The following ARHGEF40 variants were observed in gnomAD, a reference collection of about 807,000 sequenced individuals.
ARHGEF40 encodes Rho guanine nucleotide exchange factor 40.
Under a neutral mutation model 165.9 loss-of-function variants are expected in ARHGEF40, and 98 were observed. The observed-to-expected ratio is 0.59, with a 90% confidence interval of 0.50 to 0.70. ARHGEF40 has a LOEUF of 0.70. Among genes scored for constraint, ARHGEF40 ranks in the 30% least tolerant of loss-of-function variants. The pLI, the probability that ARHGEF40 is intolerant of heterozygous loss-of-function variation, is 0.00. For synonymous variants in ARHGEF40, 792 were observed against 814.3 expected, an observed-to-expected ratio of 0.97 and a Z score of 0.47; for missense variants, 1,815 against 1,968.0, an observed-to-expected ratio of 0.92 and a Z score of 1.47.
rs1192943241 is a variant in ARHGEF40 at position 21,081,487 on chromosome 14, C to G, written c.2641-22C>G. 1.9e-6 allele frequency: 3 copies of G among 1,611,564 alleles called. No homozygotes were observed. The African/African-American group carries it at 4.0e-5, about 22-fold the overall frequency. ...AGGCCCTTACCCTTTCTCTCCCATC[C>G]CCAACCCCTTTGACTTCGTAGGCAC... On this transcript the variant is annotated intron_variant, in intron 13 of 23. Coordinates refer to ENST00000298694, the MANE Select transcript of ARHGEF40 (RefSeq NM_018071.5).
chr14:21,085,042 C>T (rs1428897148), intron 18 of ARHGEF40, 119 bp downstream of exon 18: 4 of 1,306,250 alleles, frequency 3.1e-6, no homozygotes, highest in Non-Finnish European at 4.2e-6. Context: ...CTAGAATAGG[C>T]TTTGGCTTGT....
the ARHGEF40 span, among the ~76,000 whole-genome samples, chr14:21,065,040 G>A: frequency 4.6e-5 from 7 of 152,070 alleles, no homozygotes; most frequent in East Asian, 5.8e-4. Context: ...GCCTGGTGGC[G>A]GGTGCCTGTA....
rs1231276823 is a variant in ARHGEF40 at position 21,080,679 on chromosome 14, G to T, written c.2393G>T (p.Gly798Val). The change falls in exon 12 of 24, where the codon GGC (glycine) becomes GTC (valine). Residue 798 changes from glycine to valine, a missense_variant. Physicochemically the swap from Gly to Val is moderately radical, Grantham distance 109. Transcript: ENST00000298694. ...CCTCAGGTGTTGCAGTGGCTCTCGG[G>T]CCCAGGGGAGGAGCAGCTGGCAAGC... Reference protein sequence around the residue: ...RLQQVLQWLSGPGEEQLASFA... With the variant: ...RLQQVLQWLSVPGEEQLASFA... The T allele has an allele frequency of 1.2e-6, 2 of 1,611,120 alleles. No homozygotes were observed. The highest frequency in any genetic ancestry group is 1.3e-5 in the African/African-American group (1 of 74,986).
Position 21,081,662 on chromosome 14 carries a change from C to T in ARHGEF40, c.2794C>T (p.Pro932Ser). 3 of 1,603,302 alleles carry T rather than the reference C, an allele frequency of 1.9e-6. No individual in the cohort carries two copies. Among genetic ancestry groups the T allele is most frequent in the East Asian group, 2.2e-5 (1 of 44,546 alleles). Residue 932 changes from proline (P) to serine (S), a missense_variant, in exon 14 of 24, where the codon CCA becomes TCA. Physicochemically the swap from Pro to Ser is moderately conservative, Grantham distance 74. Transcript: ENST00000298694. Reference protein sequence around the residue: ...MRALALDLGSPAALREWGRCQ... With the variant: ...MRALALDLGSSAALREWGRCQ... ...GGCCCTGGCCCTGGACCTGGGCAGC[C>T]CAGCAGCCCTGCGAGAATGGGGCCG...
intron 1 of ARHGEF40, among the ~76,000 whole-genome samples, chr14:21,071,525 C>G (rs4982404): frequency 6.6e-6 from 1 of 151,892 alleles, no homozygotes; most frequent in Non-Finnish European, 1.5e-5. Flanking sequence ...AGAGCTGACT[C>G]AGTCTCTCTG....
rs1040968014 is a variant in ARHGEF40 at position 21,087,343 on chromosome 14, G to A, written c.4267G>A (p.Ala1423Thr). The A allele has an allele frequency of 1.2e-6, 2 of 1,606,532 alleles. No homozygotes were observed. The highest frequency in any genetic ancestry group is 1.1e-5 in the South Asian group (1 of 91,050). The stretch of plus-strand genomic sequence containing the variant: ...AGCCGCCCGCACCCGGGCCTCCGTG[G>A]CCGTGTCATCCTTTGAGCATGCCGG... ...GRAARTRASV[A>T]VSSFEHAGPS... Residue 1423 changes from alanine (A) to threonine (T), a missense_variant, in exon 21 of 24, where the codon GCC becomes ACC. By Grantham distance (58) the Ala-to-Thr change is moderately conservative. Coordinates refer to ENST00000298694, the MANE Select transcript of ARHGEF40 (RefSeq NM_018071.5).
rs1888659523 is a variant in ARHGEF40 at position 21,089,589 on chromosome 14, T to A, written c.*581T>A. The A allele has an allele frequency of 6.6e-6, 1 of 152,632 alleles. No individual in the cohort carries two copies. Among genetic ancestry groups the A allele is most frequent in the Admixed American group, 6.5e-5 (1 of 15,294 alleles). 9.5% of individuals were successfully genotyped at this position (152,632 alleles called of 1,614,324 possible). A position where few individuals can be genotyped will look rare whatever the true frequency, so the allele number is the denominator to read the frequency against. On this transcript the variant is annotated 3_prime_UTR_variant, in exon 24 of 24. Transcript: ENST00000298694. ...AGAGTAGTCCTCTGGATTAAGGTGA[T>A]AAATAACTTGAGCACTTTCCCTCAA...
Position 21,084,928 on chromosome 14 carries a change from G to C in ARHGEF40, c.3960+5G>C. The C allele has an allele frequency of 6.2e-7, 1 of 1,611,324 alleles. No individual in the cohort carries two copies. Reference sequence around the variant, plus strand: ...GTTTACAAGCAGGCCTTTAAGGTACGATTCCTGGAGTGAGTGGTGGAGGTG... The same window carrying C: ...GTTTACAAGCAGGCCTTTAAGGTACCATTCCTGGAGTGAGTGGTGGAGGTG... On this transcript the variant is annotated splice_donor_5th_base_variant and intron_variant, in intron 18 of 23. Transcript: ENST00000298694.
chr14:21,076,914 G>C (rs760799829), intron 8 of ARHGEF40, 24 bp downstream of exon 8: 1 of 1,584,974 alleles, frequency 6.3e-7, no homozygotes, highest in South Asian at 1.1e-5. Context: ...CTACCACCTA[G>C]CATGCTGGGA....
intron 21 of ARHGEF40, 151 bp downstream of exon 21, chr14:21,087,614 A>T: frequency 8.8e-7 from 1 of 1,136,576 alleles, no homozygotes; most frequent in South Asian, 1.6e-5. Flanking sequence ...AGAGCCTTCC[A>T]TCTGGTTGCT....
At position 21,078,287 on chromosome 14, in the gene ARHGEF40, G is replaced by A; in HGVS notation, c.2130+15G>A. 1 of 1,612,070 alleles carries A rather than the reference G, an allele frequency of 6.2e-7. No individual in the cohort carries two copies. Among genetic ancestry groups the A allele is most frequent in the Non-Finnish European group, 8.5e-7 (1 of 1,179,050 alleles). On this transcript the variant is annotated intron_variant, in intron 9 of 23. Transcript: ENST00000298694. Reference sequence around the variant, plus strand: ...CAGAGGAAGAGGTATGAAATGAGATGGGACAGTGGGGGGATGGGATTGGGA... The same window carrying A: ...CAGAGGAAGAGGTATGAAATGAGATAGGACAGTGGGGGGATGGGATTGGGA...
chr14:21,075,561 T>C lies in ARHGEF40; in HGVS notation c.1618+62T>C, dbSNP rs1456372622. ...GGGAAAGAGAAGCAATTGGGTGGGC[T>C]TGGGGACTGGGGGAGGCAGGGTGGA... On this transcript the variant is annotated intron_variant, in intron 4 of 23. Coordinates refer to ENST00000298694, the MANE Select transcript of ARHGEF40 (RefSeq NM_018071.5). The surrounding 1 kb of genome is among the most constrained non-coding windows in gnomAD (Gnocchi z 4.5). 3 of 1,613,826 alleles carry C rather than the reference T, an allele frequency of 1.9e-6. No homozygotes were observed. The highest frequency in any genetic ancestry group is 1.3e-5 in the African/African-American group (1 of 74,890).
chr14:21,084,130 A>G, intron 17 of ARHGEF40, 80 bp downstream of exon 17: 1 of 1,429,642 alleles, frequency 7.0e-7, no homozygotes, highest in Non-Finnish European at 9.4e-7. Flanking sequence ...TGACAGGAGA[A>G]CCAGGCTCCA....
At chr14:21,084,491 T>C (rs1218867733) in intron 17 of ARHGEF40, among the ~76,000 whole-genome samples, 1 of 152,202 alleles carries the variant, frequency 6.6e-6, no homozygotes, top group African/African-American at 2.4e-5. Flanking sequence ...ATCCCCAGCA[T>C]GCAAAGGCTT....
chr14:21,087,149 C>G, intron 20 of ARHGEF40, 44 bp downstream of exon 20: 1 of 1,601,418 alleles, frequency 6.2e-7, no homozygotes, highest in Non-Finnish European at 8.5e-7. Context: ...GAGTGAAGAC[C>G]TTGACAATGA....
intron 6 of ARHGEF40, 25 bp downstream of exon 6, chr14:21,076,481 TC>T (rs1887431647): frequency 6.2e-7 from 1 of 1,613,894 alleles, no homozygotes; most frequent in Non-Finnish European, 8.5e-7. Context: ...AACAGGCAGT[TC>T]CCCTGGATCC....
At chr14:21,069,644 G>A (rs1276054459), upstream of ARHGEF40, among the ~76,000 whole-genome samples, 1 of 152,224 alleles carries the variant, frequency 6.6e-6, no homozygotes, top group Non-Finnish European at 1.5e-5. Flanking sequence ...GCCTTCCCCA[G>A]GCAACACAGA....
the ARHGEF40 span, among the ~76,000 whole-genome samples, chr14:21,063,315 G>A: frequency 2.0e-5 from 3 of 152,090 alleles, no homozygotes; most frequent in Admixed American, 6.5e-5. Context: ...GCTATATTCC[G>A]CCAATTACAG....
chr14:21,066,543 C>T (rs1886279395), upstream of ARHGEF40, among the ~76,000 whole-genome samples: 1 of 152,150 alleles, frequency 6.6e-6, no homozygotes, highest in South Asian at 2.1e-4. Flanking sequence ...CCCATGTTGG[C>T]CAGGATGGTG....
Sources: gnomAD v4.1 joint callset for allele counts (sites outside exome capture counted in the v4.1 genomes callset) on GRCh38, gnomAD v4.1.1 for gene constraint, Gnocchi (gnomAD v3.1) non-coding constraint, MANE v1.5 for transcripts, NCBI Gene and HGNC (gene_info 2026-07-23, HGNC 2026-07-21) for gene names.